Variants in TAFA2 observed in about 807,000 individuals in gnomAD.
The protein encoded by TAFA2 is chemokine-like protein TAFA-2.
TAFA2 carries 7 observed loss-of-function variants against 18.8 expected under a neutral mutation model. That is an observed-to-expected ratio of 0.37 (90% CI 0.21 to 0.70). The LOEUF is 0.70. Among genes scored for constraint, TAFA2 ranks in the 30% least tolerant of loss-of-function variants. The pLI is 0.53. For missense variants in TAFA2, 122 were observed against 158.1 expected (o/e 0.77, Z 1.23); for synonymous variants, 60 against 54.2 (o/e 1.11, Z -0.47).
chr12:62,258,823 T>G (rs1289504537), exon 1 of TAFA2: 1 of 320,600 alleles, frequency 3.1e-6, no homozygotes, highest in Non-Finnish European at 6.4e-6. Context: ...AAAATTACTT[T>G]GTTCTCTTTC....
chr12:62,010,743 GGC>G (rs1880717311), intron 1 of TAFA2, among the ~76,000 whole-genome samples: 1 of 144,888 alleles, frequency 6.9e-6, no homozygotes, highest in African/African-American at 2.6e-5. Flanking sequence ...GGAGGTGAGG[GGC>G]GTCTCTGCCC....
intron 1 of TAFA2, among the ~76,000 whole-genome samples, chr12:62,152,893 G>C (rs2062338422): frequency 6.6e-6 from 1 of 152,176 alleles, no homozygotes; most frequent in African/African-American, 2.4e-5. Context: ...AAGCTGCCAA[G>C]GTATTGTGAT....
chr12:61,857,709 C>T (rs1873941786), intron 2 of TAFA2, among the ~76,000 whole-genome samples: 2 of 152,120 alleles, frequency 1.3e-5, no homozygotes, highest in African/African-American at 4.8e-5. Context: ...AGTCCTCCTT[C>T]CTTCCTTCTC....
At chr12:61,748,257 A>G (rs1007249122) in intron 4 of TAFA2, among the ~76,000 whole-genome samples, 1 of 152,106 alleles carries the variant, frequency 6.6e-6, no homozygotes, top group African/African-American at 2.4e-5. Context: ...TGTGTAGTAG[A>G]TCACTAAGTA....
intron 1 of TAFA2, among the ~76,000 whole-genome samples, chr12:62,112,409 T>C (rs1869775128): frequency 6.6e-6 from 1 of 152,212 alleles, no homozygotes; most frequent in Non-Finnish European, 1.5e-5. Context: ...TCTCTCTGGC[T>C]GCCCTTAACA....
chr12:62,221,033 G>A (rs1357827587), intron 1 of TAFA2, among the ~76,000 whole-genome samples: 1 of 151,990 alleles, frequency 6.6e-6, no homozygotes, highest in Non-Finnish European at 1.5e-5. Flanking sequence ...GAACCCGGGA[G>A]GCGGAGCTTG....
chr12:62,065,641 C>T (rs142792828), intron 1 of TAFA2, among the ~76,000 whole-genome samples: 1 of 151,826 alleles, frequency 6.6e-6, no homozygotes, highest in Non-Finnish European at 1.5e-5. Flanking sequence ...CAAGTGTGGT[C>T]AATTTTTAAA....
intron 2 of TAFA2, among the ~76,000 whole-genome samples, chr12:61,835,367 G>A (rs1005373934): frequency 6.6e-6 from 1 of 151,804 alleles, no homozygotes; most frequent in Non-Finnish European, 1.5e-5. Context: ...TATTTTGGGG[G>A]GCCTGGCTTA....
chr12:62,130,480 T>C (rs993307059), intron 1 of TAFA2, among the ~76,000 whole-genome samples: 1 of 151,998 alleles, frequency 6.6e-6, no homozygotes, highest in Non-Finnish European at 1.5e-5. Flanking sequence ...AGACCAGTTA[T>C]GACATTTTTG....
intron 1 of TAFA2, among the ~76,000 whole-genome samples, chr12:62,190,953 G>A (rs1243605054): frequency 1.3e-5 from 2 of 152,114 alleles, no homozygotes; most frequent in African/African-American, 4.8e-5. Context: ...GTCGTTTGCT[G>A]TTATTAGGAG....
intron 1 of TAFA2, among the ~76,000 whole-genome samples, chr12:62,246,800 T>C (rs974296388): frequency 2.6e-5 from 4 of 152,206 alleles, no homozygotes; most frequent in Non-Finnish European, 4.4e-5. Context: ...TAAATTTTGA[T>C]ATGCCAGCAA....
chr12:61,918,759 G>T (rs891207555), intron 1 of TAFA2, among the ~76,000 whole-genome samples: 21 of 152,124 alleles, frequency 1.4e-4, no homozygotes, highest in African/African-American at 4.6e-4. Context: ...TATTTAAAAT[G>T]CAGGCTGTTG....
intron 1 of TAFA2, among the ~76,000 whole-genome samples, chr12:62,131,014 C>T (rs186079768): frequency 3.9e-5 from 6 of 151,988 alleles, no homozygotes; most frequent in East Asian, 1.9e-4. Context: ...TGATGCAGAA[C>T]GGAAAAAGCC....
chr12:62,217,060 G>A (rs2062738767), intron 1 of TAFA2, among the ~76,000 whole-genome samples: 1 of 152,144 alleles, frequency 6.6e-6, no homozygotes, highest in South Asian at 2.1e-4. Flanking sequence ...TCCGCAAAAA[G>A]GGAAGCACCA....
intron 1 of TAFA2, among the ~76,000 whole-genome samples, chr12:61,946,410 G>A (rs1370059046): frequency 2.1e-4 from 25 of 119,732 alleles, no homozygotes; most frequent in Admixed American, 4.4e-4. Context: ...AGGACTTCAT[G>A]TCCAAAACAC....
intron 1 of TAFA2, among the ~76,000 whole-genome samples, chr12:62,166,079 C>T (rs1339737512): frequency 6.6e-6 from 1 of 151,902 alleles, no homozygotes; most frequent in Non-Finnish European, 1.5e-5. Context: ...TGGCTAAATC[C>T]CTCTGTGAAG....
At chr12:61,856,914 T>A (rs1873908635) in intron 2 of TAFA2, among the ~76,000 whole-genome samples, 1 of 151,584 alleles carries the variant, frequency 6.6e-6, no homozygotes, top group Admixed American at 6.6e-5. Context: ...TCAAAGGAAA[T>A]GTAAAGAAAT....
chr12:61,890,067 C>A (rs889290627), intron 1 of TAFA2, among the ~76,000 whole-genome samples: 1 of 152,218 alleles, frequency 6.6e-6, no homozygotes, highest in African/African-American at 2.4e-5. Flanking sequence ...AATGGCACCA[C>A]AATTTATCCT....
chr12:61,768,941 C>G (rs1023619259), intron 2 of TAFA2, among the ~76,000 whole-genome samples: 4 of 151,896 alleles, frequency 2.6e-5, no homozygotes, highest in African/African-American at 9.7e-5. Context: ...AGGCTTGTAT[C>G]CTGGGGCACC....
Sources: allele counts gnomAD v4.1 joint callset (sites outside exome capture counted in the v4.1 genomes callset), GRCh38; gene constraint gnomAD v4.1.1; transcripts MANE v1.5; gene names NCBI Gene and HGNC (gene_info 2026-07-23, HGNC 2026-07-21).